GREM2: variants seen among roughly 807,000 people sequenced by gnomAD.
GREM2 encodes gremlin 2, DAN family BMP antagonist.
In GREM2, 11 loss-of-function variants were observed where a neutral mutation model predicts 14.2. That is an observed-to-expected ratio of 0.78 (90% CI 0.49 to 1.28). The LOEUF is 1.28. Ranked by LOEUF, GREM2 falls within the 50% of genes most tolerant of loss-of-function variation. The probability of loss-of-function intolerance (pLI) is 0.00; values close to 1 mark genes in which losing one functional copy is unlikely to be tolerated. For synonymous variants in GREM2, 98 were observed against 97.6 expected, an observed-to-expected ratio of 1.00 and a Z score of -0.02; for missense variants, 210 against 218.5, an observed-to-expected ratio of 0.96 and a Z score of 0.24.
At chr1:240,606,222 T>TA (rs1467377284) in intron 1 of GREM2, among the ~76,000 whole-genome samples, 1 of 152,058 alleles carries the variant, frequency 6.6e-6, no homozygotes, top group Non-Finnish European at 1.5e-5. Context: ...TGCTGAGAAA[T>TA]AAAAAGAAGA....
chr1:240,601,204 T>C (rs564531472), intron 1 of GREM2, among the ~76,000 whole-genome samples: 1 of 152,342 alleles, frequency 6.6e-6, no homozygotes, highest in South Asian at 2.1e-4. Flanking sequence ...ATGAAAAGCA[T>C]TATCTCACAT....
At chr1:240,594,373 G>A (rs1398129500) in intron 1 of GREM2, among the ~76,000 whole-genome samples, 1 of 152,154 alleles carries the variant, frequency 6.6e-6, no homozygotes, top group Admixed American at 6.5e-5. Flanking sequence ...TCACTGCATG[G>A]AATTGATAAA....
chr1:240,534,409 G>C (rs762546456), intron 1 of GREM2, among the ~76,000 whole-genome samples: 79 of 152,294 alleles, frequency 5.2e-4, no homozygotes, highest in Non-Finnish European at 7.9e-4. Flanking sequence ...AGTGCAAAAG[G>C]CCGGGTGCAG....
chr1:240,576,735 A>G (rs919513171), intron 1 of GREM2, among the ~76,000 whole-genome samples: 2 of 152,212 alleles, frequency 1.3e-5, no homozygotes, highest in African/African-American at 4.8e-5. Context: ...GACAGACACT[A>G]TATCAGAAAT....
chr1:240,501,550 GA>G (rs1353552250), intron 1 of GREM2, among the ~76,000 whole-genome samples: 1 of 152,190 alleles, frequency 6.6e-6, no homozygotes, highest in Non-Finnish European at 1.5e-5. Context: ...TTCAGGATAG[GA>G]AATGGAATGC....
chr1:240,572,165 T>G (rs1365481232), intron 1 of GREM2, among the ~76,000 whole-genome samples: 1 of 152,228 alleles, frequency 6.6e-6, no homozygotes, highest in Non-Finnish European at 1.5e-5. Context: ...ACAGATTTAT[T>G]AGGTCAAAGG....
In GREM2 at chr1:240,493,444, A is replaced by G. The variant is rs1253239355; in HGVS notation, c.32T>C (p.Leu11Pro). Reference protein sequence around the residue: MFWKLSLSLFLVAVLVKVAEA... With the variant: MFWKLSLSLFPVAVLVKVAEA... Reference sequence around the variant, plus strand: ...CGCCACCTTCACCAGCACCGCCACCAGGAACAAGGACAGGGAAAGCTTCCA... The same window carrying G: ...CGCCACCTTCACCAGCACCGCCACCGGGAACAAGGACAGGGAAAGCTTCCA... The change falls in exon 2 of 2, where the codon CTG becomes CCG. Residue 11 changes from leucine to proline, a missense_variant. Physicochemically the swap from Leu to Pro is moderately conservative, Grantham distance 98. Coordinates refer to ENST00000318160, the MANE Select transcript of GREM2 (RefSeq NM_022469.4). 1.9e-6 allele frequency: 3 copies of G among 1,610,672 alleles called. No homozygotes were observed. Among genetic ancestry groups the G allele is most frequent in the East Asian group, 4.5e-5 (2 of 44,788 alleles).
At chr1:240,606,930 G>A (rs1680037216) in intron 1 of GREM2, among the ~76,000 whole-genome samples, 1 of 151,798 alleles carries the variant, frequency 6.6e-6, no homozygotes, top group Non-Finnish European at 1.5e-5. Context: ...CACCCACCTC[G>A]GCCTCCCAAA....
At chr1:240,578,271 G>T (rs574030725) in intron 1 of GREM2, among the ~76,000 whole-genome samples, 2 of 151,890 alleles carry the variant, frequency 1.3e-5, no homozygotes, top group South Asian at 4.2e-4. Context: ...GACTACAGGC[G>T]CCTGCCACCA....
At chr1:240,563,020 ATG>A (rs1464533274) in intron 1 of GREM2, among the ~76,000 whole-genome samples, 9 of 134,980 alleles carry the variant, frequency 6.7e-5, no homozygotes, top group East Asian at 4.5e-4. Context: ...GTATGTGTGT[ATG>A]TGTGTATATG....
intron 1 of GREM2, among the ~76,000 whole-genome samples, chr1:240,520,082 A>AAAAATAAAT (rs372597418): frequency 1.8e-4 from 26 of 144,246 alleles, no homozygotes; most frequent in Non-Finnish European, 1.8e-4. Flanking sequence ...CTCCATCCCA[A>AAAAATAAAT]AAAATAAAAT....
intron 1 of GREM2, among the ~76,000 whole-genome samples, chr1:240,563,194 AGTGT>A (rs761054784): frequency 6.8e-6 from 1 of 147,886 alleles, no homozygotes; most frequent in Non-Finnish European, 1.5e-5. Flanking sequence ...TACGTGTGTG[AGTGT>A]GTGTAAGTGA....
At chr1:240,527,239 CTT>C (rs1314744428) in intron 1 of GREM2, among the ~76,000 whole-genome samples, 1 of 152,144 alleles carries the variant, frequency 6.6e-6, no homozygotes, top group African/African-American at 2.4e-5. Flanking sequence ...GAAATTTAAT[CTT>C]GATAGATTTT....
intron 1 of GREM2, among the ~76,000 whole-genome samples, chr1:240,496,279 C>G (rs952620474): frequency 2.0e-5 from 3 of 152,194 alleles, no homozygotes; most frequent in Non-Finnish European, 4.4e-5. Flanking sequence ...GATCTCCCCA[C>G]TCCCCTGCAT....
chr1:240,529,328 G>T (rs772017919), intron 1 of GREM2, among the ~76,000 whole-genome samples: 3 of 135,596 alleles, frequency 2.2e-5, no homozygotes, highest in Non-Finnish European at 4.6e-5. Flanking sequence ...TTGCATCAAA[G>T]AATTTAGGAA....
chr1:240,551,942 A>T (rs1402190416), intron 1 of GREM2, among the ~76,000 whole-genome samples: 2 of 152,168 alleles, frequency 1.3e-5, no homozygotes, highest in Non-Finnish European at 2.9e-5. Flanking sequence ...AAATTCTGCA[A>T]ATAAGAGGGT....
chr1:240,515,807 CA>C (rs1205077775), intron 1 of GREM2, among the ~76,000 whole-genome samples: 1 of 152,154 alleles, frequency 6.6e-6, no homozygotes, highest in African/African-American at 2.4e-5. Context: ...GGTTTCTGGG[CA>C]GCCCACTTGG....
intron 1 of GREM2, among the ~76,000 whole-genome samples, chr1:240,575,021 T>C (rs1416536740): frequency 1.3e-5 from 2 of 151,896 alleles, no homozygotes; most frequent in East Asian, 1.9e-4. Context: ...GCAGGAGAAT[T>C]GGTTGAACGT....
chr1:240,592,359 G>C (rs1679731023), intron 1 of GREM2, among the ~76,000 whole-genome samples: 1 of 151,704 alleles, frequency 6.6e-6, no homozygotes, highest in African/African-American at 2.4e-5. Flanking sequence ...TGGCCTTTTG[G>C]GTAATTTGGG....
Sources: gnomAD v4.1 joint callset for allele counts (sites outside exome capture counted in the v4.1 genomes callset) on GRCh38, gnomAD v4.1.1 for gene constraint, MANE v1.5 for transcripts, NCBI Gene and HGNC (gene_info 2026-07-23, HGNC 2026-07-21) for gene names.